Variants in SYN3 observed in about 807,000 individuals in gnomAD.
SYN3 encodes synapsin-3.
SYN3 carries 35 observed loss-of-function variants against 65.8 expected under a neutral mutation model. That is an observed-to-expected ratio of 0.53 (90% CI 0.41 to 0.70). SYN3 has a LOEUF of 0.70. Ranked by LOEUF, SYN3 falls within the 30% of genes least tolerant of loss-of-function variation. SYN3 has a pLI of 0.00. For missense variants in SYN3, 680 were observed against 749.0 expected, an observed-to-expected ratio of 0.91 and a Z score of 1.08; for synonymous variants, 270 against 292.9, an observed-to-expected ratio of 0.92 and a Z score of 0.80.
intron 2 of SYN3, among the ~76,000 whole-genome samples, chr22:32,993,355 GTTTGT>G (rs1397048400): frequency 6.6e-6 from 1 of 152,078 alleles, no homozygotes. Context: ...TCTTTTGTTT[GTTTGT>G]TTTGTTTTGT....
intron 12 of SYN3, among the ~76,000 whole-genome samples, chr22:32,522,580 A>C (rs1006374236): frequency 6.6e-6 from 1 of 152,254 alleles, no homozygotes; most frequent in African/African-American, 2.4e-5. Flanking sequence ...GGGGCACTGC[A>C]TTAGTTACAA....
intron 6 of SYN3, among the ~76,000 whole-genome samples, chr22:32,731,039 A>G (rs1335586800): frequency 6.6e-6 from 1 of 151,912 alleles, no homozygotes; most frequent in African/African-American, 2.4e-5. Flanking sequence ...CATGACACTC[A>G]CCCCAGAGGT....
chr22:32,638,091 A>G (rs2059844734), intron 6 of SYN3, among the ~76,000 whole-genome samples: 1 of 152,114 alleles, frequency 6.6e-6, no homozygotes, highest in South Asian at 2.1e-4. Context: ...TTCTGCATTA[A>G]CTTCCTTGGG....
intron 4 of SYN3, among the ~76,000 whole-genome samples, chr22:32,895,499 C>T (rs1014293956): frequency 2.0e-5 from 3 of 152,102 alleles, no homozygotes; most frequent in African/African-American, 7.2e-5. Context: ...TAACAAAATG[C>T]CAATAATCTA....
intron 3 of SYN3, among the ~76,000 whole-genome samples, chr22:32,953,566 G>C (rs754996438): frequency 1.3e-5 from 2 of 151,974 alleles, no homozygotes; most frequent in South Asian, 4.2e-4. Context: ...AGACCAGCAG[G>C]TGCAAAGACC....
At chr22:32,920,017 G>A (rs1170902042) in intron 4 of SYN3, among the ~76,000 whole-genome samples, 2 of 152,188 alleles carry the variant, frequency 1.3e-5, no homozygotes, top group East Asian at 1.9e-4. Context: ...GCCTGGGTGG[G>A]AGCTGGGGAG....
intron 3 of SYN3, among the ~76,000 whole-genome samples, chr22:32,977,983 G>A (rs1255874098): frequency 2.0e-5 from 3 of 152,176 alleles, no homozygotes. Context: ...AAGTTGAGGA[G>A]CTATGAAAGG....
chr22:32,780,079 AG>A (rs2046000014), intron 6 of SYN3, among the ~76,000 whole-genome samples: 25 of 20,052 alleles, frequency 1.2e-3, no homozygotes, highest in African/African-American at 4.5e-3. Flanking sequence ...AAAAAAAAAA[AG>A]AGAGAGAAAA....
At chr22:33,049,746 C>T (rs1452762986) in intron 1 of SYN3, among the ~76,000 whole-genome samples, 6 of 152,150 alleles carry the variant, frequency 3.9e-5, no homozygotes, top group Non-Finnish European at 7.3e-5. Context: ...GCCAGCCGCA[C>T]GCAGGAGGAA....
At chr22:32,539,468 G>A (rs1160750145) in intron 8 of SYN3, among the ~76,000 whole-genome samples, 2 of 150,352 alleles carry the variant, frequency 1.3e-5, no homozygotes, top group Non-Finnish European at 3.0e-5. Flanking sequence ...ATAGGGATGT[G>A]GATGGGAACA....
At chr22:32,723,614 C>T (rs559973638) in intron 6 of SYN3, among the ~76,000 whole-genome samples, 83 of 152,358 alleles carry the variant, frequency 5.4e-4, no homozygotes, top group African/African-American at 1.9e-3. Context: ...GATGAACTTC[C>T]AAGCTCGATA....
intron 6 of SYN3, among the ~76,000 whole-genome samples, chr22:32,608,035 A>T (rs1229609581): frequency 3.9e-5 from 6 of 152,116 alleles, no homozygotes; most frequent in Admixed American, 1.3e-4. Flanking sequence ...GGGGAAAAGC[A>T]CCCCTTTCCA....
intron 1 of SYN3, among the ~76,000 whole-genome samples, chr22:33,030,889 AGATAGAGACAGAGAGT>A (rs2053742244): frequency 2.0e-5 from 3 of 152,168 alleles, no homozygotes; most frequent in Admixed American, 2.0e-4. Context: ...AGACACAGAG[AGATAGAGACAGAGAGT>A]GATAGAGACA....
intron 6 of SYN3, among the ~76,000 whole-genome samples, chr22:32,685,860 T>A (rs1293734381): frequency 6.6e-6 from 1 of 152,222 alleles, no homozygotes; most frequent in Admixed American, 6.5e-5. Flanking sequence ...GATGGTGGAA[T>A]AATTGCTTAA....
chr22:32,739,677 C>A (rs991450266), intron 6 of SYN3, among the ~76,000 whole-genome samples: 4 of 152,198 alleles, frequency 2.6e-5, no homozygotes, highest in East Asian at 1.9e-4. Context: ...ACCCCATGAT[C>A]CAAAAACCAA....
intron 1 of SYN3, among the ~76,000 whole-genome samples, chr22:33,009,974 T>G (rs933533945): frequency 2.0e-5 from 3 of 152,194 alleles, no homozygotes; most frequent in African/African-American, 7.2e-5. Context: ...GGCTCACGCC[T>G]GTAATCCCAG....
rs1569286745 is a variant in SYN3 at position 32,864,933 on chromosome 22, GA to G, written c.692del (p.Phe231SerfsTer16). ...EKFPLVEQTFFPNHKPMVTAP... is the reference protein window; with the variant it reads ...EKFPLVEQTFXPNHKPMVTAP... Reference sequence around the variant, plus strand: ...CACTCACCATTGGCTTATGGTTGGGGAAAAATGTTTGCTCCACAAGCGGGAA... The same window carrying G: ...CACTCACCATTGGCTTATGGTTGGGGAAAATGTTTGCTCCACAAGCGGGAA... On this transcript the variant is annotated frameshift_variant, in exon 6 of 14. Transcript: ENST00000358763. LOFTEE classifies it high-confidence loss of function. 16 of 1,614,104 alleles carry G rather than the reference GA, an allele frequency of 9.9e-6. No homozygotes were observed. The highest frequency in any genetic ancestry group is 1.3e-5 in the Non-Finnish European group (15 of 1,179,960).
chr22:32,819,954 A>G (rs1238925802), intron 6 of SYN3, among the ~76,000 whole-genome samples: 4 of 152,140 alleles, frequency 2.6e-5, no homozygotes, highest in Non-Finnish European at 4.4e-5. Context: ...ATCCTACCAC[A>G]TGGCTTCCTG....
At chr22:32,959,820 C>T (rs1016298510) in intron 3 of SYN3, among the ~76,000 whole-genome samples, 10 of 152,130 alleles carry the variant, frequency 6.6e-5, no homozygotes, top group Non-Finnish European at 1.5e-4. Context: ...GTCTCAGACT[C>T]CTGGGCTCAA....
Sources: allele counts gnomAD v4.1 joint callset (sites outside exome capture counted in the v4.1 genomes callset), GRCh38; gene constraint gnomAD v4.1.1; transcripts MANE v1.5; gene names NCBI Gene and HGNC (gene_info 2026-07-23, HGNC 2026-07-21).